The following RFX2 variants were observed in gnomAD, a reference collection of about 807,000 sequenced individuals.
The protein encoded by RFX2 is DNA-binding protein RFX2.
RFX2 carries 20 observed loss-of-function variants against 87.8 expected under a neutral mutation model. That is an observed-to-expected ratio of 0.23 (90% CI 0.16 to 0.33). RFX2 has a LOEUF of 0.33. Ranked by LOEUF, RFX2 falls within the 10% of genes least tolerant of loss-of-function variation. The pLI is 1.00. For synonymous variants in RFX2, 397 were observed against 431.3 expected (o/e 0.92, Z 0.98); for missense variants, 767 against 1,012.3 (o/e 0.76, Z 3.29).
rs948073307 is a variant in RFX2 at position 5,993,208 on chromosome 19, G to C, written c.*1627C>G. On this transcript the variant is annotated 3_prime_UTR_variant, in exon 18 of 18. Coordinates refer to ENST00000303657, the MANE Select transcript of RFX2 (RefSeq NM_000635.4). Reference sequence around the variant, plus strand: ...TATTGGTTACCAGGAGTGAGGAAAAGCCGGGCATTACAATCCGTTAACTGT... The same window carrying C: ...TATTGGTTACCAGGAGTGAGGAAAACCCGGGCATTACAATCCGTTAACTGT... The C allele has an allele frequency of 6.6e-6, 1 of 152,254 alleles. No homozygotes were observed. The highest frequency in any genetic ancestry group is 2.4e-5 in the African/African-American group (1 of 41,472). The allele number at this position is 152,254 out of a possible 1,614,324, so 9.4% of individuals were successfully genotyped here.
rs1438481318 is a variant in RFX2, at chr19:6,017,282, A to C, written c.598-1011T>G. ...GATGGGCTAAATGAGTCCCGAGCCAAGGACTATGCCTCGAGAGGTGAACAT... is the reference window on the plus strand; with the variant it reads ...GATGGGCTAAATGAGTCCCGAGCCACGGACTATGCCTCGAGAGGTGAACAT... On this transcript the variant is annotated intron_variant, in intron 6 of 17. Transcript: ENST00000303657. The surrounding 1 kb of genome is among the most constrained non-coding windows in gnomAD (Gnocchi z 4.1). 6.6e-6 allele frequency among the ~76,000 whole-genome samples: 1 copy of C among 152,210 alleles called. No homozygotes were observed.
Position 6,026,153 on chromosome 19 carries a change from G to A in RFX2, c.597+10C>T, listed in dbSNP as rs776520894. The A allele has an allele frequency of 4.7e-5, 76 of 1,609,508 alleles. No individual in the cohort carries two copies. The highest frequency in any genetic ancestry group is 2.0e-4 in the Admixed American group (12 of 59,678). ...GCAGGGACAGGTTGCCAGGTCAGAC[G>A]CACACTTACATGGCTGTTGAGTAAA... On this transcript the variant is annotated intron_variant, in intron 6 of 17. Transcript: ENST00000303657. The surrounding 1 kb of genome is among the most constrained non-coding windows in gnomAD (Gnocchi z 4.5).
chr19:6,054,329 A>G (rs1379621149), intron 1 of RFX2, among the ~76,000 whole-genome samples: 1 of 152,194 alleles, frequency 6.6e-6, no homozygotes, highest in Non-Finnish European at 1.5e-5. Context: ...CTGAAAAAGG[A>G]ATTATTACAC....
intron 1 of RFX2, among the ~76,000 whole-genome samples, chr19:6,080,244 G>A (rs2087759864): frequency 1.3e-5 from 2 of 151,076 alleles, no homozygotes; most frequent in East Asian, 1.9e-4. Context: ...GTGTGTATGT[G>A]AGAGAGAGAC....
chr19:6,095,775 C>G (rs1479344986), intron 1 of RFX2, among the ~76,000 whole-genome samples: 1 of 152,194 alleles, frequency 6.6e-6, no homozygotes, highest in Non-Finnish European at 1.5e-5. Flanking sequence ...CCGCCCACCA[C>G]CCAAATCTGG....
In RFX2 at chr19:6,026,128, G is replaced by C; in HGVS notation, c.597+35C>G. The C allele has an allele frequency of 6.4e-7, 1 of 1,561,792 alleles. No homozygotes were observed. Among genetic ancestry groups the C allele is most frequent in the Non-Finnish European group, 8.8e-7 (1 of 1,133,988 alleles). On this transcript the variant is annotated intron_variant, in intron 6 of 17. Transcript: ENST00000303657. The surrounding 1 kb of genome is among the most constrained non-coding windows in gnomAD (Gnocchi z 4.5). ...AATGTCTATGCAGGTTACAAGCAGA[G>C]CAGGGACAGGTTGCCAGGTCAGACG...
chr19:6,089,150 T>C (rs1007079132), intron 1 of RFX2, among the ~76,000 whole-genome samples: 2 of 152,228 alleles, frequency 1.3e-5, no homozygotes, highest in Non-Finnish European at 2.9e-5. Flanking sequence ...ACTCAGATGT[T>C]TGGACTCATG....
Position 6,043,089 on chromosome 19 carries a change from T to TGGAA in RFX2, c.181-967_181-966insTTCC. Among the ~76,000 whole-genome samples the TGGAA allele has an allele frequency of 2.0e-5, 3 of 152,134 alleles. No individual in the cohort carries two copies. In the South Asian group the frequency reaches 6.2e-4, roughly 31 times the overall value. On this transcript the variant is annotated intron_variant, in intron 3 of 17. Coordinates refer to ENST00000303657, the MANE Select transcript of RFX2 (RefSeq NM_000635.4). Reference sequence around the variant, plus strand: ...GAATCACAAGTTCCAGGGGTTAACATCTGTTGGGTGATGCCCCAGGGGTGG... The same window carrying TGGAA: ...GAATCACAAGTTCCAGGGGTTAACATGGAACTGTTGGGTGATGCCCCAGGGGTGG...
intron 1 of RFX2, among the ~76,000 whole-genome samples, chr19:6,072,562 C>T (rs1018900938): frequency 7.2e-5 from 11 of 151,802 alleles, no homozygotes; most frequent in African/African-American, 1.2e-4. Context: ...AAAAATTATT[C>T]GGGTAAGGTG....
At position 6,022,112 on chromosome 19, in the gene RFX2, G is replaced by A. The variant is rs975162588; in HGVS notation, c.597+4051C>T. On this transcript the variant is annotated intron_variant, in intron 6 of 17. Coordinates refer to ENST00000303657, the MANE Select transcript of RFX2 (RefSeq NM_000635.4). The surrounding 1 kb of genome is among the most constrained non-coding windows in gnomAD (Gnocchi z 6.2). ...GGCTGCCCCTGCCTCAGATGGGACC[G>A]TGGGCGGGAGGCGCAGGGGTTGTGG... is the stretch of plus-strand genomic sequence containing the variant. 3.3e-5 allele frequency among the ~76,000 whole-genome samples: 5 copies of A among 152,194 alleles called. No homozygotes were observed. Among genetic ancestry groups the A allele is most frequent in the African/African-American group, 9.7e-5 (4 of 41,442 alleles).
In RFX2 at chr19:6,002,921, C is replaced by T. The variant is rs373566019; in HGVS notation, c.1501-51G>A. 372 of 1,557,956 alleles carry T rather than the reference C, an allele frequency of 2.4e-4. No individual in the cohort carries two copies. Among genetic ancestry groups the T allele is most frequent in the Non-Finnish European group, 2.4e-4 (278 of 1,156,796 alleles). The stretch of plus-strand genomic sequence containing the variant: ...AGGGGTTCGCAGGGAGAGCCTGTTC[C>T]GCTGCGCTCCTTGCAGGGGTGTGTG... On this transcript the variant is annotated intron_variant, in intron 13 of 17. Coordinates refer to ENST00000303657, the MANE Select transcript of RFX2 (RefSeq NM_000635.4). The surrounding 1 kb of genome is among the most constrained non-coding windows in gnomAD (Gnocchi z 6.7).
intron 1 of RFX2, among the ~76,000 whole-genome samples, chr19:6,051,647 A>C (rs546152819): frequency 1.7e-4 from 26 of 152,342 alleles, no homozygotes; most frequent in African/African-American, 5.5e-4. Flanking sequence ...AGATGGCACA[A>C]ATAGAAAGCA....
chr19:6,084,179 T>C (rs1271352876), intron 1 of RFX2, among the ~76,000 whole-genome samples: 2 of 152,238 alleles, frequency 1.3e-5, no homozygotes, highest in Non-Finnish European at 2.9e-5. Flanking sequence ...TGTGCATTGT[T>C]CAGCTATACA....
chr19:6,054,380 A>AT (rs1405474136), intron 1 of RFX2, among the ~76,000 whole-genome samples: 1 of 152,224 alleles, frequency 6.6e-6, no homozygotes, highest in Non-Finnish European at 1.5e-5. Flanking sequence ...TTCACAACTC[A>AT]TTTTATGAGG....
chr19:6,099,511 C>T (rs149190670), intron 1 of RFX2, among the ~76,000 whole-genome samples: 1 of 150,750 alleles, frequency 6.6e-6, no homozygotes, highest in African/African-American at 2.5e-5. Flanking sequence ...GCACGGGCTG[C>T]GTGATTTTTT....
rs144802602 is a variant in RFX2 at position 6,040,075 on chromosome 19, G to A, written c.427C>T (p.Pro143Ser). 3.7e-6 allele frequency: 6 copies of A among 1,612,204 alleles called. No individual in the cohort carries two copies. Among genetic ancestry groups the A allele is most frequent in the Admixed American group, 3.3e-5 (2 of 59,956 alleles). The change falls in exon 5 of 18, where the codon CCC becomes TCC. Residue 143 changes from proline to serine, a missense_variant. By Grantham distance (74) the Pro-to-Ser change is moderately conservative. Coordinates refer to ENST00000303657, the MANE Select transcript of RFX2 (RefSeq NM_000635.4). This position sits in a 1 kb window ranked among gnomAD's most constrained non-coding sequence, Gnocchi z 6.1. ...TAGGCTCCCGCGCTGGAGACGATGG[G>A]GCTCCCCCCGACATCCATGGTGATG... ...VGITMDVGGS[P>S]IVSSAGAYLI...
intron 1 of RFX2, among the ~76,000 whole-genome samples, chr19:6,053,481 CTA>C (rs892353986): frequency 6.6e-6 from 1 of 152,170 alleles, no homozygotes; most frequent in African/African-American, 2.4e-5. Flanking sequence ...CTCGAGGAAA[CTA>C]TGGACTTTGG....
intron 1 of RFX2, among the ~76,000 whole-genome samples, chr19:6,052,699 C>A (rs971924439): frequency 1.8e-4 from 27 of 152,154 alleles, no homozygotes; most frequent in African/African-American, 6.5e-4. Flanking sequence ...CATGTATGCA[C>A]TTTGACCACA....
At position 6,004,127 on chromosome 19, in the gene RFX2, TG is replaced by T; in HGVS notation, c.1500+73del. 9.0e-7 allele frequency: 1 copy of T among 1,112,704 alleles called. No homozygotes were observed. The highest frequency in any genetic ancestry group is 1.4e-6 in the Non-Finnish European group (1 of 724,110). The allele number at this position is 1,112,704 out of a possible 1,614,324, so 68.9% of individuals were successfully genotyped here. ...GAAGCCAGCGCTCTCTGGGACACAGTGGTCCTCATGCTGTCCTGGACTGGAG... is the reference window on the plus strand; with the variant it reads ...GAAGCCAGCGCTCTCTGGGACACAGTGTCCTCATGCTGTCCTGGACTGGAG... On this transcript the variant is annotated intron_variant, in intron 13 of 17. Transcript: ENST00000303657. The surrounding 1 kb of genome is among the most constrained non-coding windows in gnomAD (Gnocchi z 4.8).
Sources: allele counts gnomAD v4.1 joint callset (sites outside exome capture counted in the v4.1 genomes callset), GRCh38; gene constraint gnomAD v4.1.1; non-coding constraint Gnocchi (gnomAD v3.1); transcripts MANE v1.5; gene names NCBI Gene and HGNC (gene_info 2026-07-23, HGNC 2026-07-21).